The following COL6A3 variants were observed in gnomAD, a reference collection of about 807,000 sequenced individuals.
The protein encoded by COL6A3 is collagen alpha-3(VI) chain.
A neutral mutation model predicts 274.1 loss-of-function variants in COL6A3; 137 were observed. That is an observed-to-expected ratio of 0.50 (90% CI 0.44 to 0.58). The LOEUF (loss-of-function observed/expected upper bound fraction) is 0.58. Ranked by LOEUF, COL6A3 falls within the 20% of genes least tolerant of loss-of-function variation. The probability of loss-of-function intolerance (pLI) is 0.00; values close to 1 mark genes in which losing one functional copy is unlikely to be tolerated. For missense variants in COL6A3, 3,950 were observed against 4,124.9 expected, an observed-to-expected ratio of 0.96 and a Z score of 1.16; for synonymous variants, 1,650 against 1,650.6, an observed-to-expected ratio of 1.00 and a Z score of 0.01.
intron 1 of COL6A3, among the ~76,000 whole-genome samples, chr2:237,410,300 C>CTTTTTTT (rs552676030): frequency 2.4e-5 from 3 of 126,210 alleles, no homozygotes; most frequent in Non-Finnish European, 5.0e-5. Flanking sequence ...AATTTCTTTT[C>CTTTTTTT]TTTTTTTTTT....
chr2:237,347,831 T>C lies in COL6A3; in HGVS notation c.7005A>G (p.Gly2335=). The part of the protein sequence containing the change: ...PGEPGLNGTT[G]PKGIRGRRGN... ...CCCTTCGGCCTCTGATGCCTTTGGG[T>C]CCTGTTGTTCCATTTAGCCCAGGTT... Residue 2335 remains glycine, a synonymous_variant, in exon 31 of 44, where the codon GGA becomes GGG. Transcript: ENST00000295550. The C allele has an allele frequency of 6.2e-7, 1 of 1,611,346 alleles. No individual in the cohort carries two copies. Among genetic ancestry groups the C allele is most frequent in the Non-Finnish European group, 8.5e-7 (1 of 1,178,842 alleles).
chr2:237,411,445 C>T (rs551148523), intron 1 of COL6A3, among the ~76,000 whole-genome samples: 16 of 152,312 alleles, frequency 1.1e-4, no homozygotes, highest in East Asian at 3.9e-4. Flanking sequence ...AATGAAACCT[C>T]GCTGGCAAAA....
intron 1 of COL6A3, among the ~76,000 whole-genome samples, chr2:237,402,173 T>C (rs1455216300): frequency 2.6e-5 from 4 of 152,130 alleles, no homozygotes; most frequent in African/African-American, 7.2e-5. Flanking sequence ...GTATTTAAAG[T>C]AGTCAAAGTC....
chr2:237,350,715 T>G (rs1447630343), intron 27 of COL6A3, among the ~76,000 whole-genome samples: 1 of 152,216 alleles, frequency 6.6e-6, no homozygotes, highest in Non-Finnish European at 1.5e-5. Context: ...CTAAATGTGA[T>G]TAGCTGAGCC....
chr2:237,392,142 A>T (rs2078304759), intron 3 of COL6A3, among the ~76,000 whole-genome samples: 1 of 152,224 alleles, frequency 6.6e-6, no homozygotes, highest in Admixed American at 6.5e-5. Context: ...CAGCACTGCC[A>T]GCCCCGTTAA....
chr2:237,334,541 A>G, intron 41 of COL6A3, 85 bp downstream of exon 41: 1 of 1,442,478 alleles, frequency 6.9e-7, no homozygotes, highest in South Asian at 1.2e-5. Context: ...TTCAGAATAG[A>G]TTCAATAAGT....
At chr2:237,349,274 A>G (rs2077157723) in intron 28 of COL6A3, among the ~76,000 whole-genome samples, 1 of 152,192 alleles carries the variant, frequency 6.6e-6, no homozygotes, top group Admixed American at 6.5e-5. Context: ...GTACATTACT[A>G]TCTCTAACAT....
At chr2:237,376,691 A>T in intron 7 of COL6A3, 81 bp downstream of exon 7, 1 of 1,390,348 alleles carries the variant, frequency 7.2e-7, no homozygotes. Context: ...CTTCTATCTA[A>T]GGACCAGTGG....
At position 237,395,135 on chromosome 2, in the gene COL6A3, T is replaced by C. The variant is rs938595503; in HGVS notation, c.161A>G (p.His54Arg). 1 of 1,613,938 alleles carries C rather than the reference T, an allele frequency of 6.2e-7. No individual in the cohort carries two copies. Among genetic ancestry groups the C allele is most frequent in the South Asian group, 1.1e-5 (1 of 91,078 alleles). Residue 54 changes from histidine to arginine, a missense_variant, in exon 3 of 44, where the codon CAT becomes CGT. By Grantham distance (29) the His-to-Arg change is conservative (BLOSUM62 0). This residue lies in a region of COL6A3 where 1,934 missense variants were observed against 1,984.3 expected (regional missense o/e 0.97). Coordinates refer to ENST00000295550, the MANE Select transcript of COL6A3 (RefSeq NM_004369.4). ...VDSSWTIGEE[H>R]FQLVREFLYD... ...TAGAAACTCTCGAACAAGTTGGAAA[T>C]GTTCCTCTCCAATGGTCCAAGAGGA...
chr2:237,402,399 A>T (rs1484394833), intron 1 of COL6A3, among the ~76,000 whole-genome samples: 1 of 152,182 alleles, frequency 6.6e-6, no homozygotes, highest in Non-Finnish European at 1.5e-5. Flanking sequence ...ACCACAATTA[A>T]AATAGAAATG....
chr2:237,338,933 C>T (rs1700685617), intron 39 of COL6A3, 82 bp downstream of exon 39: 2 of 1,050,348 alleles, frequency 1.9e-6, no homozygotes, highest in South Asian at 2.6e-5. Flanking sequence ...GGTCCTCATC[C>T]CATAAAGTCA....
Position 237,336,410 on chromosome 2 carries a change from A to C in COL6A3, c.8690T>G (p.Val2897Gly). 1 of 1,613,512 alleles carries C rather than the reference A, an allele frequency of 6.2e-7. No individual in the cohort carries two copies. Among genetic ancestry groups the C allele is most frequent in the Non-Finnish European group, 8.5e-7 (1 of 1,180,020 alleles). Residue 2897 changes from valine to glycine, a missense_variant, in exon 40 of 44, where the codon GTG becomes GGG. Val to Gly is a moderately radical substitution (Grantham distance 109, BLOSUM62 -3). Transcript: ENST00000295550. ...CACAGATGGCTGATTTATAATAGTC[A>C]CAGGCTTTGTTGTGGTGGTTACAGG... ...TKPVTTTTKPVTIINQPSVKP... is the reference protein window; with the variant it reads ...TKPVTTTTKPGTIINQPSVKP...
intron 1 of COL6A3, among the ~76,000 whole-genome samples, chr2:237,400,401 G>T (rs62184856): frequency 3.0e-4 from 46 of 151,972 alleles, no homozygotes; most frequent in Non-Finnish European, 5.3e-4. Context: ...AGCAAATCAG[G>T]CACGTGAAAT....
In COL6A3 at chr2:237,334,908, C is replaced by A. The variant is rs182520636; in HGVS notation, c.8966-19G>T. On this transcript the variant is annotated intron_variant, in intron 40 of 43. Transcript: ENST00000295550. The stretch of plus-strand genomic sequence containing the variant: ...ATCTTAACTGAAAGATAGATCAGAG[C>A]GTGAAGATAAAAAATAAAATCCTCC... 150 of 1,613,706 alleles carry A rather than the reference C, an allele frequency of 9.3e-5. No homozygotes were observed. The East Asian group carries it at 3.0e-3, about 32-fold the overall frequency.
In COL6A3 at chr2:237,365,712, G is replaced by A; in HGVS notation, c.5824C>T (p.Pro1942Ser). The A allele has an allele frequency of 1.2e-6, 2 of 1,614,168 alleles. No homozygotes were observed. Among genetic ancestry groups the A allele is most frequent in the South Asian group, 2.2e-5 (2 of 91,086 alleles). ...GCCCCACAGACCTTCACGCTGTCCG[G>A]CGAGGACTGTCTGAACTTGTTCAGG... Reference protein sequence around the residue: ...VYLNKFRQSSPDSVKVVIHFT... With the variant: ...VYLNKFRQSSSDSVKVVIHFT... Residue 1942 changes from proline to serine, a missense_variant, in exon 12 of 44, where the codon CCG becomes TCG. Pro to Ser is a moderately conservative substitution (Grantham distance 74). This residue lies in a region of COL6A3 where 632 missense variants were observed against 623.4 expected (regional missense o/e 1.01). Coordinates refer to ENST00000295550, the MANE Select transcript of COL6A3 (RefSeq NM_004369.4).
At position 237,332,117 on chromosome 2, in the gene COL6A3, A is replaced by ATATATATATATG. The variant is rs35490728; in HGVS notation, c.9328+1332_9328+1333insCATATATATATA. Among the ~76,000 whole-genome samples the ATATATATATATG allele has an allele frequency of 8.5e-3, 542 of 64,136 alleles. 104 individuals carry two copies. The highest frequency in any genetic ancestry group is 0.012 in the Middle Eastern group (1 of 84). The allele number at this position is 64,136 out of a possible 152,430, so 42.1% of individuals were successfully genotyped here. ...TATATATATATATATATATATATATATGAAAAGAAAAACAAAACAGCCCAG... is the reference window on the plus strand; with the variant it reads ...TATATATATATATATATATATATATATATATATATATGTGAAAAGAAAAACAAAACAGCCCAG... On this transcript the variant is annotated intron_variant, in intron 42 of 43. Coordinates refer to ENST00000295550, the MANE Select transcript of COL6A3 (RefSeq NM_004369.4).
Position 237,376,839 on chromosome 2 carries a change from C to A in COL6A3, c.3003G>T (p.Lys1001Asn). The stretch of plus-strand genomic sequence containing the variant: ...CTATCTGTGGATGAAGATCTCCAAT[C>A]TTGGGAAGCGACTCTGCAGCCAGGA... ...AFILAAESLP[K>N]IGDLHPQIVN... The change falls in exon 7 of 44, where the codon AAG becomes AAT. Residue 1001 changes from lysine (K) to asparagine (N), a missense_variant. Transcript: ENST00000295550. The A allele has an allele frequency of 6.2e-7, 1 of 1,614,166 alleles. No individual in the cohort carries two copies. Among genetic ancestry groups the A allele is most frequent in the Non-Finnish European group, 8.5e-7 (1 of 1,180,004 alleles).
Position 237,369,745 on chromosome 2 carries a change from G to C in COL6A3, c.4286-568C>G, listed in dbSNP as rs917156627. 2.0e-4 allele frequency among the ~76,000 whole-genome samples: 30 copies of C among 152,164 alleles called. 1 individual carries two copies. Among genetic ancestry groups the C allele is most frequent in the African/African-American group, 5.1e-4 (21 of 41,434 alleles). ...AAGGGGTCACATTAATGCTCCCCAG[G>C]CATTTGTGCCCTCGTATTTCCTTTT... On this transcript the variant is annotated intron_variant, in intron 9 of 43. Coordinates refer to ENST00000295550, the MANE Select transcript of COL6A3 (RefSeq NM_004369.4).
At chr2:237,381,913 A>G (rs2078016221) in intron 4 of COL6A3, among the ~76,000 whole-genome samples, 1 of 152,224 alleles carries the variant, frequency 6.6e-6, no homozygotes, top group Non-Finnish European at 1.5e-5. Flanking sequence ...CACAGTCTTC[A>G]TTTCAAAATG....
Sources: allele counts gnomAD v4.1 joint callset (sites outside exome capture counted in the v4.1 genomes callset), GRCh38; gene constraint gnomAD v4.1.1; regional missense constraint gnomAD v4.1.1; transcripts MANE v1.5; gene names NCBI Gene and HGNC (gene_info 2026-07-23, HGNC 2026-07-21).